Variants in DLG2 observed in about 807,000 individuals in gnomAD.
DLG2 encodes the protein discs large MAGUK scaffold protein 2, also known as disks large homolog 2.
Under a neutral mutation model 132.5 loss-of-function variants are expected in DLG2, and 45 were observed. The observed-to-expected ratio is 0.34, with a 90% CI of 0.27 to 0.44. The LOEUF is 0.44. DLG2 is among the 20% of genes least tolerant of loss of function. The pLI is 1.00. For missense variants in DLG2, 1,045 were observed against 1,196.9 expected (o/e 0.87, Z 1.87); for synonymous variants, 424 against 419.6 (o/e 1.01, Z -0.13).
At chr11:85,030,933 A>G (rs1277115332) in intron 6 of DLG2, among the ~76,000 whole-genome samples, 1 of 151,910 alleles carries the variant, frequency 6.6e-6, no homozygotes, top group Non-Finnish European at 1.5e-5. Flanking sequence ...TGTACCCATA[A>G]GTTTCTTTTT....
chr11:83,648,704 C>A (rs953861076), intron 18 of DLG2, among the ~76,000 whole-genome samples: 2 of 152,090 alleles, frequency 1.3e-5, no homozygotes, highest in African/African-American at 4.8e-5. Context: ...ATATTGCCTA[C>A]CACCACCATC....
chr11:83,629,095 TC>T (rs1215756206), intron 19 of DLG2, among the ~76,000 whole-genome samples: 1 of 152,122 alleles, frequency 6.6e-6, no homozygotes, highest in African/African-American at 2.4e-5. Flanking sequence ...TAGATATCTT[TC>T]CATGGAAGCA....
At chr11:85,534,450 T>C (rs2075437933) in intron 3 of DLG2, among the ~76,000 whole-genome samples, 1 of 152,120 alleles carries the variant, frequency 6.6e-6, no homozygotes, top group Non-Finnish European at 1.5e-5. Context: ...ACCCATACAG[T>C]GAACAAAGTA....
chr11:83,647,387 G>A (rs1591645625), intron 18 of DLG2: 1 of 152,120 alleles, frequency 6.6e-6, no homozygotes, highest in East Asian at 1.9e-4. Flanking sequence ...GTTCAATCTT[G>A]TTCAGTCTTT....
At chr11:84,030,076 T>C (rs2095650832) in intron 11 of DLG2, among the ~76,000 whole-genome samples, 1 of 152,136 alleles carries the variant, frequency 6.6e-6, no homozygotes, top group Non-Finnish European at 1.5e-5. Flanking sequence ...TACATATTAA[T>C]TTACCTTCCG....
At chr11:84,754,498 A>G (rs1597370545) in intron 6 of DLG2, among the ~76,000 whole-genome samples, 1 of 152,180 alleles carries the variant, frequency 6.6e-6, no homozygotes, top group African/African-American at 2.4e-5. Context: ...TCTGGAACTT[A>G]GAAAAGCTTT....
In DLG2 at chr11:85,273,482, T is replaced by G. The variant is rs181121124; in HGVS notation, c.186+11738A>C. ...CACTTCTCAAAAGAAGACATCTATG[T>G]AGCCAACAGACACATGAAAAAATGC... On this transcript the variant is annotated intron_variant, in intron 4 of 27. Coordinates refer to ENST00000376104, the MANE Select transcript of DLG2 (RefSeq NM_001142699.3). Among the ~76,000 whole-genome samples, 8 of 152,254 alleles carry G rather than the reference T, an allele frequency of 5.3e-5. No individual in the cohort carries two copies. In the East Asian group the frequency reaches 1.2e-3, roughly 22 times the overall value.
At chr11:83,725,773 T>C (rs1295202419) in intron 18 of DLG2, among the ~76,000 whole-genome samples, 1 of 152,258 alleles carries the variant, frequency 6.6e-6, no homozygotes, top group Non-Finnish European at 1.5e-5. Flanking sequence ...GTGCTATATA[T>C]GCATTTGAAG....
At chr11:83,487,022 G>A (rs921195485) in intron 21 of DLG2, among the ~76,000 whole-genome samples, 1 of 150,608 alleles carries the variant, frequency 6.6e-6, no homozygotes, top group Non-Finnish European at 1.5e-5. Flanking sequence ...TGTTACACGA[G>A]TGCTAGGTGA....
At chr11:84,714,551 C>CTCTT (rs2060836325) in intron 6 of DLG2, among the ~76,000 whole-genome samples, 1 of 109,864 alleles carries the variant, frequency 9.1e-6, no homozygotes, top group Non-Finnish European at 1.6e-5. Context: ...CTTTCTCTTT[C>CTCTT]TCTCTCTTTC....
intron 6 of DLG2, among the ~76,000 whole-genome samples, chr11:84,996,146 A>T (rs2057629727): frequency 1.3e-5 from 2 of 152,034 alleles, no homozygotes; most frequent in South Asian, 4.1e-4. Flanking sequence ...TAAATAACTT[A>T]ATACTTTATG....
chr11:84,876,252 AG>A (rs2086328717), intron 6 of DLG2, among the ~76,000 whole-genome samples: 1 of 152,216 alleles, frequency 6.6e-6, no homozygotes, highest in African/African-American at 2.4e-5. Flanking sequence ...TAGTTTCAGA[AG>A]GAATGATACC....
intron 7 of DLG2, among the ~76,000 whole-genome samples, chr11:84,437,164 C>T (rs493437): frequency 0.38 from 58,417 of 152,090 alleles, 17,640 homozygotes; most frequent in African/African-American, 0.84. Context: ...GATTTCACCA[C>T]GCATTTTGAA....
chr11:84,056,898 A>G (rs2096510946), intron 11 of DLG2, among the ~76,000 whole-genome samples: 1 of 152,160 alleles, frequency 6.6e-6, no homozygotes, highest in African/African-American at 2.4e-5. Flanking sequence ...AACAGGCCCA[A>G]TAGTCTCACC....
At chr11:83,478,757 C>G (rs1018200742) in intron 22 of DLG2, among the ~76,000 whole-genome samples, 51 of 152,064 alleles carry the variant, frequency 3.4e-4, no homozygotes, top group African/African-American at 1.2e-3. Context: ...GATGGAAGCA[C>G]AACACTTGAA....
chr11:83,884,794 T>G (rs1031975093), intron 15 of DLG2, among the ~76,000 whole-genome samples: 1 of 152,096 alleles, frequency 6.6e-6, no homozygotes, highest in Admixed American at 6.5e-5. Flanking sequence ...TTCACAAAAA[T>G]CCACTGTTCT....
At chr11:85,010,272 A>G (rs2059039874) in intron 6 of DLG2, among the ~76,000 whole-genome samples, 1 of 152,090 alleles carries the variant, frequency 6.6e-6, no homozygotes, top group African/African-American at 2.4e-5. Context: ...CCCTCTTTAA[A>G]GGAAACCGTA....
chr11:85,414,365 C>T (rs557599324), intron 3 of DLG2, among the ~76,000 whole-genome samples: 3 of 152,102 alleles, frequency 2.0e-5, no homozygotes, highest in Admixed American at 1.3e-4. Flanking sequence ...TTGACTTCCT[C>T]TTTACTGATC....
At chr11:85,345,692 T>G (rs2082785247) in intron 3 of DLG2, among the ~76,000 whole-genome samples, 1 of 152,044 alleles carries the variant, frequency 6.6e-6, no homozygotes, top group Non-Finnish European at 1.5e-5. Context: ...ATCATCCCTC[T>G]TTCATCCCTC....
Sources: allele counts gnomAD v4.1 joint callset (sites outside exome capture counted in the v4.1 genomes callset), GRCh38; gene constraint gnomAD v4.1.1; transcripts MANE v1.5; gene names NCBI Gene and HGNC (gene_info 2026-07-23, HGNC 2026-07-21).